Variants in PARVA observed in about 807,000 individuals in gnomAD.
PARVA encodes alpha-parvin.
A neutral mutation model predicts 52.6 loss-of-function variants in PARVA; 25 were observed. The observed-to-expected ratio is 0.48, with a 90% CI of 0.35 to 0.66. The LOEUF (loss-of-function observed/expected upper bound fraction) is 0.66, where lower values mean the gene tolerates loss of function less well. PARVA is among the 30% of genes least tolerant of loss of function. The probability of loss-of-function intolerance (pLI) is 0.01; values close to 1 mark genes in which losing one functional copy is unlikely to be tolerated. For missense variants in PARVA, 373 were observed against 450.9 expected (o/e 0.83, Z 1.56); for synonymous variants, 185 against 179.1 (o/e 1.03, Z -0.26).
chr11:12,475,255 C>T (rs1940995150), intron 3 of PARVA, among the ~76,000 whole-genome samples: 1 of 152,226 alleles, frequency 6.6e-6, no homozygotes, highest in Middle Eastern at 3.2e-3. Flanking sequence ...CTCTCATGCC[C>T]CTCATCTGAA....
chr11:12,439,823 C>CT (rs1458927080), intron 1 of PARVA, among the ~76,000 whole-genome samples: 2 of 152,184 alleles, frequency 1.3e-5, no homozygotes, highest in African/African-American at 4.8e-5. Context: ...TTTCTTCTTC[C>CT]TGAATGTTCC....
At chr11:12,452,713 C>T (rs1410792794) in intron 1 of PARVA, 3 of 230,882 alleles carry the variant, frequency 1.3e-5, no homozygotes, top group Non-Finnish European at 2.7e-5. Context: ...AACAAGCAGG[C>T]ACTTCAGATT....
chr11:12,401,992 A>G (rs1227659901), intron 1 of PARVA, among the ~76,000 whole-genome samples: 4 of 152,180 alleles, frequency 2.6e-5, no homozygotes, highest in African/African-American at 4.8e-5. Flanking sequence ...TCACCCATTT[A>G]TAGGGTTGAT....
chr11:12,407,029 T>C (rs764211266), intron 1 of PARVA, among the ~76,000 whole-genome samples: 6 of 152,176 alleles, frequency 3.9e-5, no homozygotes, highest in Non-Finnish European at 8.8e-5. Flanking sequence ...TTTCTTCTTA[T>C]GTATGTCTTA....
intron 8 of PARVA, among the ~76,000 whole-genome samples, chr11:12,512,306 C>T (rs1048687745): frequency 3.3e-5 from 5 of 152,246 alleles, no homozygotes; most frequent in Non-Finnish European, 7.3e-5. Flanking sequence ...CTTCCCTCAT[C>T]ACAGCTCTTA....
intron 1 of PARVA, among the ~76,000 whole-genome samples, chr11:12,394,229 ACTG>A (rs1375945608): frequency 1.3e-5 from 2 of 152,176 alleles, no homozygotes; most frequent in African/African-American, 4.8e-5. Flanking sequence ...CCACACAACT[ACTG>A]TGCTAGGAAG....
At chr11:12,392,332 G>A (rs981393579) in intron 1 of PARVA, among the ~76,000 whole-genome samples, 2 of 149,414 alleles carry the variant, frequency 1.3e-5, no homozygotes, top group African/African-American at 2.5e-5. Context: ...GCAGTGGCGC[G>A]ATGTCAGCTC....
At chr11:12,426,178 G>A (rs1297635047) in intron 1 of PARVA, among the ~76,000 whole-genome samples, 3 of 152,212 alleles carry the variant, frequency 2.0e-5, no homozygotes, top group African/African-American at 7.2e-5. Context: ...ACAATGACAT[G>A]GACCATTAAA....
intron 1 of PARVA, among the ~76,000 whole-genome samples, chr11:12,407,086 G>C (rs562505472): frequency 2.6e-5 from 4 of 152,160 alleles, no homozygotes; most frequent in Non-Finnish European, 4.4e-5. Context: ...TGGGTCAAAA[G>C]GTATGAAGAT....
At chr11:12,496,366 G>GCATGCATGCATGAGTA (rs1941298657) in intron 4 of PARVA, 92 bp from the exon 5 acceptor site, 1 of 1,333,740 alleles carries the variant, frequency 7.5e-7, no homozygotes, top group Non-Finnish European at 1.0e-6. Context: ...ATGCATGAGT[G>GCATGCATGCATGAGTA]CATGAGAGAC....
At chr11:12,489,400 G>A (rs1023082215) in intron 4 of PARVA, among the ~76,000 whole-genome samples, 1 of 152,034 alleles carries the variant, frequency 6.6e-6, no homozygotes, top group Non-Finnish European at 1.5e-5. Flanking sequence ...AGGAATTAAT[G>A]AACCAGAAGA....
chr11:12,424,911 T>C (rs947467163), intron 1 of PARVA, among the ~76,000 whole-genome samples: 1 of 152,222 alleles, frequency 6.6e-6, no homozygotes, highest in Non-Finnish European at 1.5e-5. Context: ...GGATAGCTCA[T>C]ACTTGTTTGT....
chr11:12,510,619 G>A (rs1941492386), intron 7 of PARVA, among the ~76,000 whole-genome samples: 1 of 152,156 alleles, frequency 6.6e-6, no homozygotes, highest in Admixed American at 6.5e-5. Context: ...ACATGGCCGG[G>A]GAGGCCTCAG....
chr11:12,514,038 C>A lies in PARVA; in HGVS notation c.840C>A (p.Asn280Lys). The change falls in exon 10 of 13, where the codon AAC becomes AAA. Residue 280 changes from asparagine to lysine, a missense_variant. By Grantham distance (94) the Asn-to-Lys change is moderately conservative. Coordinates refer to ENST00000334956, the MANE Select transcript of PARVA (RefSeq NM_018222.5). ...TFVNKHLNKLNLEVTELETQF... is the reference protein window; with the variant it reads ...TFVNKHLNKLKLEVTELETQF... ...TGAACAAGCACCTGAATAAACTGAA[C>A]CTGGAGGTCACAGAACTGGAAACCC... 1.2e-6 allele frequency: 2 copies of A among 1,614,052 alleles called. No homozygotes were observed. The highest frequency in any genetic ancestry group is 1.7e-6 in the Non-Finnish European group (2 of 1,179,920).
rs532265874 is a variant in PARVA, at chr11:12,529,831, A to T, written c.*1906A>T. On this transcript the variant is annotated 3_prime_UTR_variant, in exon 13 of 13. Coordinates refer to ENST00000334956, the MANE Select transcript of PARVA (RefSeq NM_018222.5). ...AAAGGCAATGTACTGTTTTGTGTTGATCTATGTAAAAGAATACAATTCTTT... is the reference window on the plus strand; with the variant it reads ...AAAGGCAATGTACTGTTTTGTGTTGTTCTATGTAAAAGAATACAATTCTTT... The T allele has an allele frequency of 2.0e-5, 3 of 152,356 alleles. No individual in the cohort carries two copies. The South Asian group carries it at 6.2e-4, about 32-fold the overall frequency. The allele number at this position is 152,356 out of a possible 1,614,324, so 9.4% of individuals were successfully genotyped here. A position where few individuals can be genotyped will look rare whatever the true frequency, so the allele number is the denominator to read the frequency against.
intron 1 of PARVA, among the ~76,000 whole-genome samples, chr11:12,438,346 C>CA (rs557486505): frequency 6.6e-4 from 100 of 151,826 alleles, no homozygotes; most frequent in African/African-American, 2.3e-3. Context: ...TGAGGGGCTT[C>CA]ATCTGGTGAG....
At chr11:12,453,552 G>T (rs1940653290) in intron 1 of PARVA, among the ~76,000 whole-genome samples, 1 of 152,130 alleles carries the variant, frequency 6.6e-6, no homozygotes, top group African/African-American at 2.4e-5. Flanking sequence ...ATCAGTGAAG[G>T]CTAATAGGCC....
chr11:12,439,253 C>G (rs1013652378), intron 1 of PARVA, among the ~76,000 whole-genome samples: 2 of 152,134 alleles, frequency 1.3e-5, no homozygotes, highest in Non-Finnish European at 2.9e-5. Context: ...AAGGGGACAA[C>G]TCCTTGGCCA....
chr11:12,397,697 C>T (rs1388521560), intron 1 of PARVA, among the ~76,000 whole-genome samples: 1 of 152,188 alleles, frequency 6.6e-6, no homozygotes, highest in Non-Finnish European at 1.5e-5. Context: ...AACAAATTCT[C>T]AGGCTCCTAG....
Sources: allele counts gnomAD v4.1 joint callset (sites outside exome capture counted in the v4.1 genomes callset), GRCh38; gene constraint gnomAD v4.1.1; transcripts MANE v1.5; gene names NCBI Gene and HGNC (gene_info 2026-07-23, HGNC 2026-07-21).